WWOX: variants seen among roughly 807,000 people sequenced by gnomAD.
WWOX encodes WW domain-containing oxidoreductase.
WWOX carries 69 observed loss-of-function variants against 46.2 expected under a neutral mutation model. That is an observed-to-expected ratio of 1.49 (90% CI 1.23 to 1.82). The LOEUF (loss-of-function observed/expected upper bound fraction) is 1.82. WWOX is among the 40% of genes most tolerant of loss of function. The probability of loss-of-function intolerance (pLI) is 0.00; values close to 1 mark genes in which losing one functional copy is unlikely to be tolerated. For missense variants in WWOX, 919 were observed against 542.6 expected (o/e 1.69, Z -6.89); for synonymous variants, 359 against 202.6 (o/e 1.77, Z -6.56).
chr16:78,928,035 A>G (rs962130313), intron 8 of WWOX, among the ~76,000 whole-genome samples: 10 of 152,122 alleles, frequency 6.6e-5, no homozygotes, highest in African/African-American at 2.2e-4. Context: ...ATGCATAAAC[A>G]AACAAAAAAA....
chr16:78,816,039 A>C (rs1056630565), intron 8 of WWOX, among the ~76,000 whole-genome samples: 2 of 152,212 alleles, frequency 1.3e-5, no homozygotes, highest in African/African-American at 4.8e-5. Context: ...CATAGCCAGA[A>C]CATGGCAGAA....
intron 8 of WWOX, among the ~76,000 whole-genome samples, chr16:78,814,739 T>C (rs143665747): frequency 1.3e-5 from 2 of 152,332 alleles, no homozygotes; most frequent in Non-Finnish European, 1.5e-5. Context: ...ATGTAACAAC[T>C]AATGTGACAT....
chr16:78,123,423 TCTTTG>T (rs2033190808), intron 4 of WWOX: 1 of 146,440 alleles, frequency 6.8e-6, no homozygotes, highest in Non-Finnish European at 1.5e-5. Context: ...TATGTTTTTT[TCTTTG>T]TTTTTTGTTT....
At chr16:78,413,430 A>G (rs1208186884) in intron 6 of WWOX, among the ~76,000 whole-genome samples, 1 of 152,136 alleles carries the variant, frequency 6.6e-6, no homozygotes, top group Non-Finnish European at 1.5e-5. Context: ...TAGGCGGTAG[A>G]GTTAGGAGCA....
At chr16:78,758,178 C>T (rs578106239) in intron 8 of WWOX, among the ~76,000 whole-genome samples, 2 of 152,010 alleles carry the variant, frequency 1.3e-5, no homozygotes, top group Non-Finnish European at 2.9e-5. Flanking sequence ...AAGGGAAGAT[C>T]AATATGATTT....
chr16:78,730,250 G>A (rs1371131822), intron 8 of WWOX, among the ~76,000 whole-genome samples: 5 of 151,988 alleles, frequency 3.3e-5, no homozygotes, highest in Middle Eastern at 3.2e-3. Flanking sequence ...TCTTATGAAC[G>A]ACGTTAGTAC....
intron 8 of WWOX, among the ~76,000 whole-genome samples, chr16:79,191,793 T>C (rs2150809327): frequency 6.6e-6 from 1 of 152,206 alleles, no homozygotes; most frequent in South Asian, 2.1e-4. Context: ...ACTGAATAAA[T>C]GTCTATTTAA....
chr16:79,166,120 C>G (rs2050589699), intron 8 of WWOX, among the ~76,000 whole-genome samples: 2 of 152,192 alleles, frequency 1.3e-5, no homozygotes, highest in African/African-American at 4.8e-5. Flanking sequence ...TGGGGTATTG[C>G]CGAAGTCCAT....
chr16:78,493,052 C>G (rs1263455401), intron 8 of WWOX, among the ~76,000 whole-genome samples: 1 of 152,132 alleles, frequency 6.6e-6, no homozygotes, highest in Non-Finnish European at 1.5e-5. Flanking sequence ...CATGGATCTT[C>G]CTGCAGAGAA....
At chr16:78,468,982 A>C (rs2084154396) in intron 8 of WWOX, among the ~76,000 whole-genome samples, 1 of 152,212 alleles carries the variant, frequency 6.6e-6, no homozygotes. Context: ...AGTAGTTCTG[A>C]ATGACTTGAC....
intron 8 of WWOX, among the ~76,000 whole-genome samples, chr16:79,195,323 G>A (rs1182792233): frequency 6.6e-6 from 1 of 152,076 alleles, no homozygotes; most frequent in Non-Finnish European, 1.5e-5. Flanking sequence ...TGGGAGATGC[G>A]AATGCTCCAG....
At chr16:78,927,245 T>C (rs1486303216) in intron 8 of WWOX, among the ~76,000 whole-genome samples, 8 of 152,170 alleles carry the variant, frequency 5.3e-5, no homozygotes, top group Non-Finnish European at 1.0e-4. Context: ...TTGTTACTTA[T>C]CCATTTAGTC....
chr16:79,040,613 T>A lies in WWOX; in HGVS notation c.1057-170995T>A, dbSNP rs1357386812. 2.0e-5 allele frequency among the ~76,000 whole-genome samples: 3 copies of A among 152,246 alleles called. No homozygotes were observed. The East Asian group carries it at 5.8e-4, about 29-fold the overall frequency. The stretch of plus-strand genomic sequence containing the variant: ...TTTTGTCATTTCTTTCTCACTTTTC[T>A]CAGGAAAATCATGACTGTAAAACAG... On this transcript the variant is annotated intron_variant, in intron 8 of 8. Coordinates refer to ENST00000566780, the MANE Select transcript of WWOX (RefSeq NM_016373.4).
chr16:78,153,532 G>T (rs1396579257), intron 4 of WWOX, among the ~76,000 whole-genome samples: 1 of 152,070 alleles, frequency 6.6e-6, no homozygotes, highest in South Asian at 2.1e-4. Flanking sequence ...CAGGGAGGGA[G>T]AGGATGTGTG....
At chr16:78,413,784 A>G (rs2082735596) in intron 6 of WWOX, among the ~76,000 whole-genome samples, 1 of 152,018 alleles carries the variant, frequency 6.6e-6, no homozygotes, top group South Asian at 2.1e-4. Flanking sequence ...GTGGGGGCCA[A>G]AGGACTGGTT....
chr16:78,351,230 CT>C (rs1315120795), intron 5 of WWOX, among the ~76,000 whole-genome samples: 1 of 152,220 alleles, frequency 6.6e-6, no homozygotes, highest in Non-Finnish European at 1.5e-5. Context: ...CCAACAAACA[CT>C]GCTCCCCGAT....
intron 8 of WWOX, among the ~76,000 whole-genome samples, chr16:78,609,323 G>A (rs1392646682): frequency 6.6e-6 from 1 of 152,070 alleles, no homozygotes; most frequent in Non-Finnish European, 1.5e-5. Flanking sequence ...TCATTTTCAA[G>A]GGGAGGCTTA....
At chr16:78,222,065 C>T (rs2036906127) in intron 5 of WWOX, among the ~76,000 whole-genome samples, 1 of 152,150 alleles carries the variant, frequency 6.6e-6, no homozygotes, top group Non-Finnish European at 1.5e-5. Flanking sequence ...TGGAATTCGC[C>T]TCAGATGCCC....
intron 8 of WWOX, among the ~76,000 whole-genome samples, chr16:78,507,783 G>C (rs926741321): frequency 2.6e-5 from 4 of 152,230 alleles, no homozygotes; most frequent in Admixed American, 1.3e-4. Flanking sequence ...GCCATTCTCA[G>C]CATCCTGCCT....
Sources: gnomAD v4.1 joint callset for allele counts (sites outside exome capture counted in the v4.1 genomes callset) on GRCh38, gnomAD v4.1.1 for gene constraint, MANE v1.5 for transcripts, NCBI Gene and HGNC (gene_info 2026-07-23, HGNC 2026-07-21) for gene names.